Variants in PLEKHH2 observed in about 807,000 individuals in gnomAD.
The protein encoded by PLEKHH2 is pleckstrin homology, MyTH4 and FERM domain containing H2, also known as pleckstrin homology domain-containing family H member 2.
PLEKHH2 carries 129 observed loss-of-function variants against 187.9 expected under a neutral mutation model. That is an observed-to-expected ratio of 0.69 (90% CI 0.59 to 0.79). PLEKHH2 has a LOEUF of 0.79. Among genes scored for constraint, PLEKHH2 ranks in the 30% least tolerant of loss-of-function variants. PLEKHH2 has a pLI of 0.00. For synonymous variants in PLEKHH2, 686 were observed against 605.6 expected, an observed-to-expected ratio of 1.13 and a Z score of -1.95; for missense variants, 2,076 against 1,751.2, an observed-to-expected ratio of 1.19 and a Z score of -3.31.
chr2:43,669,056 T>C (rs1025620737), intron 2 of PLEKHH2, among the ~76,000 whole-genome samples: 5 of 152,196 alleles, frequency 3.3e-5, no homozygotes, highest in African/African-American at 9.7e-5. Context: ...AATAGTCCGT[T>C]ACTTAAACTT....
In PLEKHH2 at chr2:43,765,406, G is replaced by A. The variant is rs1395730064; in HGVS notation, c.4297-7G>A. The A allele has an allele frequency of 1.2e-6, 2 of 1,613,494 alleles. No homozygotes were observed. Among genetic ancestry groups the A allele is most frequent in the Admixed American group, 1.7e-5 (1 of 60,002 alleles). Reference sequence around the variant, plus strand: ...GGAGCAAAACAATTCTGTTTTCCTTGTTTTAGATTCTTGAAATCACTCTTT... The same window carrying A: ...GGAGCAAAACAATTCTGTTTTCCTTATTTTAGATTCTTGAAATCACTCTTT... On this transcript the variant is annotated splice_polypyrimidine_tract_variant and splice_region_variant and intron_variant, in intron 29 of 29. Transcript: ENST00000282406.
At chr2:43,704,998 C>T (rs574914964) in intron 9 of PLEKHH2, among the ~76,000 whole-genome samples, 26 of 152,178 alleles carry the variant, frequency 1.7e-4, no homozygotes, top group Non-Finnish European at 3.2e-4. Flanking sequence ...GCTTCTATGT[C>T]CTTTTTTCCC....
chr2:43,759,897 G>T lies in PLEKHH2; in HGVS notation c.4071+868G>T, dbSNP rs545013962. ...ATCTGTTAATGAAATACTTAGATTAGAAAAGTAAAATCTAAGGTATCTTCT... is the reference window on the plus strand; with the variant it reads ...ATCTGTTAATGAAATACTTAGATTATAAAAGTAAAATCTAAGGTATCTTCT... On this transcript the variant is annotated intron_variant, in intron 27 of 29. Coordinates refer to ENST00000282406, the MANE Select transcript of PLEKHH2 (RefSeq NM_172069.4). 2.6e-5 allele frequency among the ~76,000 whole-genome samples: 4 copies of T among 152,250 alleles called. No homozygotes were observed. In the South Asian group the frequency reaches 8.3e-4, roughly 32 times the overall value.
intron 3 of PLEKHH2, among the ~76,000 whole-genome samples, chr2:43,686,963 C>G (rs1387404251): frequency 8.8e-6 from 1 of 114,118 alleles, no homozygotes; most frequent in Non-Finnish European, 1.8e-5. Context: ...GCCATGTCCC[C>G]CCTTCTCTCT....
At chr2:43,731,852 A>G (rs1671055698) in intron 19 of PLEKHH2, among the ~76,000 whole-genome samples, 1 of 152,186 alleles carries the variant, frequency 6.6e-6, no homozygotes, top group Non-Finnish European at 1.5e-5. Flanking sequence ...AATACTTGGT[A>G]TCAGATGAAT....
chr2:43,665,851 G>A (rs1204222585), intron 2 of PLEKHH2, among the ~76,000 whole-genome samples: 5 of 131,920 alleles, frequency 3.8e-5, no homozygotes, highest in Admixed American at 7.5e-5. Context: ...CCAGCTGCGT[G>A]CTGGGAGAAC....
chr2:43,757,446 G>T (rs1358988887), intron 26 of PLEKHH2, among the ~76,000 whole-genome samples, 182 bp downstream of exon 26: 2 of 145,446 alleles, frequency 1.4e-5, no homozygotes, highest in East Asian at 2.0e-4. Flanking sequence ...TTGAGACGGA[G>T]TCTCGCTCTG....
chr2:43,703,601 T>C (rs1029212781), intron 8 of PLEKHH2, among the ~76,000 whole-genome samples: 1 of 152,216 alleles, frequency 6.6e-6, no homozygotes, highest in East Asian at 1.9e-4. Context: ...CTTAATGTTA[T>C]AGCCACTCAT....
chr2:43,656,240 A>G (rs896390225), intron 2 of PLEKHH2, among the ~76,000 whole-genome samples: 1 of 152,230 alleles, frequency 6.6e-6, no homozygotes, highest in African/African-American at 2.4e-5. Context: ...TACAGGCATG[A>G]GTCACTGTGC....
At chr2:43,731,281 A>G (rs1572633635) in intron 18 of PLEKHH2, among the ~76,000 whole-genome samples, 1 of 152,310 alleles carries the variant, frequency 6.6e-6, no homozygotes, top group African/African-American at 2.4e-5. Context: ...TAAAATTAAA[A>G]AAAACAAAAC....
intron 2 of PLEKHH2, among the ~76,000 whole-genome samples, chr2:43,657,989 A>G (rs1477667545): frequency 2.0e-5 from 3 of 152,246 alleles, no homozygotes; most frequent in Non-Finnish European, 4.4e-5. Context: ...TGCAGAAGGT[A>G]AAGTTAACAC....
At position 43,765,262 on chromosome 2, in the gene PLEKHH2, T is replaced by C. The variant is rs150394495; in HGVS notation, c.4297-151T>C. 412 of 650,312 alleles carry C rather than the reference T, an allele frequency of 6.3e-4. 3 individuals carry two copies. In the East Asian group the frequency reaches 0.011, roughly 18 times the overall value. The allele number at this position is 650,312 out of a possible 1,614,324, so 40.3% of individuals were successfully genotyped here. ...GTGGCTGCCTTGATGGTGCTGGACA[T>C]GTAAGCACTTCATTGTTTGATCTAG... On this transcript the variant is annotated intron_variant, in intron 29 of 29. Coordinates refer to ENST00000282406, the MANE Select transcript of PLEKHH2 (RefSeq NM_172069.4).
chr2:43,644,883 G>T, intron 2 of PLEKHH2, 87 bp downstream of exon 2: 1 of 1,342,802 alleles, frequency 7.4e-7, no homozygotes, highest in South Asian at 1.7e-5. Flanking sequence ...TACTTTGGGG[G>T]TTTGATTTAA....
intron 15 of PLEKHH2, among the ~76,000 whole-genome samples, chr2:43,715,169 G>A (rs552346488): frequency 2.1e-4 from 32 of 152,138 alleles, no homozygotes; most frequent in South Asian, 8.3e-4. Context: ...CCAGCTACTC[G>A]GGAGGCTGAG....
chr2:43,726,453 T>C lies in PLEKHH2; in HGVS notation c.2721+2T>C. On this transcript the variant is annotated splice_donor_variant, in intron 17 of 29. Coordinates refer to ENST00000282406, the MANE Select transcript of PLEKHH2 (RefSeq NM_172069.4). LOFTEE classifies it high-confidence loss of function. Reference sequence around the variant, plus strand: ...CTAATTGGATCCAAGCATGAAAAGGTATTCAAAGACTTATTGGTTGATTTA... The same window carrying C: ...CTAATTGGATCCAAGCATGAAAAGGCATTCAAAGACTTATTGGTTGATTTA... 6.3e-7 allele frequency: 1 copy of C among 1,594,754 alleles called. No homozygotes were observed. Among genetic ancestry groups the C allele is most frequent in the Non-Finnish European group, 8.6e-7 (1 of 1,162,700 alleles).
intron 1 of PLEKHH2, among the ~76,000 whole-genome samples, chr2:43,638,200 A>C (rs1202599250): frequency 6.6e-6 from 1 of 151,850 alleles, no homozygotes; most frequent in Non-Finnish European, 1.5e-5. Flanking sequence ...GGTGGTCAGA[A>C]GGTTCCTTAA....
At chr2:43,740,173 TAACA>T (rs1268519510) in intron 20 of PLEKHH2, among the ~76,000 whole-genome samples, 1 of 152,186 alleles carries the variant, frequency 6.6e-6, no homozygotes, top group African/African-American at 2.4e-5. Context: ...AAATTATATA[TAACA>T]AACAAGGGCA....
At chr2:43,762,102 G>C (rs1053129837) in intron 27 of PLEKHH2, among the ~76,000 whole-genome samples, 1 of 152,138 alleles carries the variant, frequency 6.6e-6, no homozygotes, top group Non-Finnish European at 1.5e-5. Flanking sequence ...GCAGGTTTGG[G>C]TCTCAAAGCT....
chr2:43,718,227 A>G (rs749676313), intron 15 of PLEKHH2, among the ~76,000 whole-genome samples: 1 of 152,172 alleles, frequency 6.6e-6, no homozygotes, highest in Non-Finnish European at 1.5e-5. Context: ...CTAGTTTTTT[A>G]AAGAGTAAGT....
Sources: allele counts gnomAD v4.1 joint callset (sites outside exome capture counted in the v4.1 genomes callset), GRCh38; gene constraint gnomAD v4.1.1; transcripts MANE v1.5; gene names NCBI Gene and HGNC (gene_info 2026-07-23, HGNC 2026-07-21).